The following RAB3C variants were observed in gnomAD, a reference collection of about 807,000 sequenced individuals.
The protein encoded by RAB3C is ras-related protein Rab-3C.
A neutral mutation model predicts 26.4 loss-of-function variants in RAB3C; 17 were observed. The observed-to-expected ratio is 0.64, with a 90% CI of 0.44 to 0.97. The LOEUF is 0.97. Among genes scored for constraint, RAB3C ranks in the 50% least tolerant of loss-of-function variants. RAB3C has a pLI of 0.00. For synonymous variants in RAB3C, 91 were observed against 95.9 expected (o/e 0.95, Z 0.30); for missense variants, 242 against 281.9 (o/e 0.86, Z 1.01).
chr5:58,775,829 C>A (rs1742119895), intron 3 of RAB3C, among the ~76,000 whole-genome samples: 1 of 152,100 alleles, frequency 6.6e-6, no homozygotes, highest in South Asian at 2.1e-4. Flanking sequence ...CGGTCTGGTG[C>A]TCTGTAAATG....
At position 58,701,474 on chromosome 5, in the gene RAB3C, T is replaced by C. The variant is rs972687255; in HGVS notation, c.253-24528T>C. Reference sequence around the variant, plus strand: ...CAATTGCCTCTCTTTATTTTTAAGCTTCTAGCTTCCTGGTAGCAAATCCAT... The same window carrying C: ...CAATTGCCTCTCTTTATTTTTAAGCCTCTAGCTTCCTGGTAGCAAATCCAT... On this transcript the variant is annotated intron_variant, in intron 2 of 4. Transcript: ENST00000282878. 2.0e-5 allele frequency among the ~76,000 whole-genome samples: 3 copies of C among 152,316 alleles called. 1 individual carries two copies. The South Asian group carries it at 6.2e-4, about 32-fold the overall frequency.
intron 2 of RAB3C, among the ~76,000 whole-genome samples, chr5:58,671,944 G>GA (rs997074697): frequency 4.6e-5 from 7 of 151,650 alleles, no homozygotes; most frequent in East Asian, 1.9e-4. Flanking sequence ...AAAAGTTCTA[G>GA]AAAAAAAACT....
At chr5:58,841,287 C>T (rs1184521469) in intron 4 of RAB3C, among the ~76,000 whole-genome samples, 2 of 152,190 alleles carry the variant, frequency 1.3e-5, no homozygotes, top group Non-Finnish European at 2.9e-5. Context: ...GATTGCTATA[C>T]TCTTCCCCCA....
chr5:58,725,992 T>C lies in RAB3C; in HGVS notation c.253-10T>C. The C allele has an allele frequency of 1.4e-6, 2 of 1,472,838 alleles. No individual in the cohort carries two copies. The highest frequency in any genetic ancestry group is 1.3e-5 in the South Asian group (1 of 79,326). The allele number at this position is 1,472,838 out of a possible 1,614,324, so 91.2% of individuals were successfully genotyped here. On this transcript the variant is annotated splice_polypyrimidine_tract_variant and intron_variant, in intron 2 of 4. Coordinates refer to ENST00000282878, the MANE Select transcript of RAB3C (RefSeq NM_138453.4). Reference sequence around the variant, plus strand: ...TTCTGAGAGATTATCATTTTTTTTTTATTCTTTAGGACACAGCAGGCCAGG... The same window carrying C: ...TTCTGAGAGATTATCATTTTTTTTTCATTCTTTAGGACACAGCAGGCCAGG...
rs373704092 is a variant in RAB3C, at chr5:58,637,095, G to T, written c.252+19225G>T. On this transcript the variant is annotated intron_variant, in intron 2 of 4. Transcript: ENST00000282878. ...ATTATCATTTTTTTTTTATTTCAAA[G>T]AACTTTTTTTTTTTTTTTACTATTC... Among the ~76,000 whole-genome samples, 15 of 98,078 alleles carry T rather than the reference G, an allele frequency of 1.5e-4. No homozygotes were observed. In the East Asian group the frequency reaches 4.5e-3, roughly 30 times the overall value. 64.3% of individuals were successfully genotyped at this position (98,078 alleles called of 152,430 possible).
intron 3 of RAB3C, chr5:58,823,695 G>T: frequency 9.8e-6 from 2 of 203,960 alleles, no homozygotes; most frequent in South Asian, 9.8e-5. Flanking sequence ...CAGACCTCAG[G>T]AGCAGGCTCT....
At chr5:58,714,414 A>G (rs1039935890) in intron 2 of RAB3C, among the ~76,000 whole-genome samples, 4 of 152,192 alleles carry the variant, frequency 2.6e-5, no homozygotes, top group Non-Finnish European at 5.9e-5. Flanking sequence ...ATATTTGGAC[A>G]TACAAAAGAA....
At chr5:58,712,598 C>A (rs934423112) in intron 2 of RAB3C, among the ~76,000 whole-genome samples, 1 of 152,146 alleles carries the variant, frequency 6.6e-6, no homozygotes, top group African/African-American at 2.4e-5. Context: ...GATCTTGGCT[C>A]ACTTCAACCT....
intron 4 of RAB3C, among the ~76,000 whole-genome samples, chr5:58,849,244 C>T (rs1039411608): frequency 6.6e-6 from 1 of 152,164 alleles, no homozygotes; most frequent in Non-Finnish European, 1.5e-5. Context: ...GTAAATGAGA[C>T]CTTTGTACCA....
chr5:58,738,378 A>G (rs1280434016), intron 3 of RAB3C, among the ~76,000 whole-genome samples: 1 of 152,180 alleles, frequency 6.6e-6, no homozygotes, highest in African/African-American at 2.4e-5. Context: ...CTGGGCTTAT[A>G]TTCTGGTTTC....
At chr5:58,734,672 A>C in intron 3 of RAB3C, among the ~76,000 whole-genome samples, 1 of 152,176 alleles carries the variant, frequency 6.6e-6, no homozygotes, top group East Asian at 1.9e-4. Context: ...TTTGCATCTC[A>C]ATAAATGACA....
chr5:58,843,028 C>G (rs1002044709), intron 4 of RAB3C, among the ~76,000 whole-genome samples: 1 of 152,262 alleles, frequency 6.6e-6, no homozygotes, highest in Admixed American at 6.5e-5. Context: ...GATTTTAGAT[C>G]TTGTCCTGGT....
intron 3 of RAB3C, among the ~76,000 whole-genome samples, chr5:58,738,448 G>C (rs1741201179): frequency 6.6e-6 from 1 of 152,148 alleles, no homozygotes. Flanking sequence ...TCAGGAAATA[G>C]CAAATAGTTC....
chr5:58,626,655 T>C (rs1014100412), intron 2 of RAB3C, among the ~76,000 whole-genome samples: 8 of 152,204 alleles, frequency 5.3e-5, no homozygotes, highest in Non-Finnish European at 8.8e-5. Context: ...ATTTTGCTTA[T>C]AGTCTTATCG....
intron 4 of RAB3C, among the ~76,000 whole-genome samples, chr5:58,836,374 C>T (rs1743748102): frequency 6.6e-6 from 1 of 151,970 alleles, no homozygotes; most frequent in Admixed American, 6.6e-5. Flanking sequence ...TTTATCATTT[C>T]TGTGTTGGGA....
chr5:58,644,591 G>C (rs531743531), intron 2 of RAB3C, among the ~76,000 whole-genome samples: 3 of 152,252 alleles, frequency 2.0e-5, no homozygotes, highest in African/African-American at 7.2e-5. Context: ...TCTCAAGCCT[G>C]GCATAGAGGT....
chr5:58,788,994 T>G (rs1271413960), intron 3 of RAB3C, among the ~76,000 whole-genome samples: 8 of 151,836 alleles, frequency 5.3e-5, no homozygotes, highest in Admixed American at 5.2e-4. Flanking sequence ...GCTTTAGGAG[T>G]CTATGCTAAG....
chr5:58,650,386 A>G (rs1747619109), intron 2 of RAB3C, among the ~76,000 whole-genome samples: 1 of 152,160 alleles, frequency 6.6e-6, no homozygotes, highest in African/African-American at 2.4e-5. Flanking sequence ...AGGGAGAGAG[A>G]AGGCTAGCAT....
rs1188954249 is a variant in RAB3C, at chr5:58,710,635, T to TAAA, written c.253-15366_253-15364dup. Among the ~76,000 whole-genome samples the TAAA allele has an allele frequency of 7.4e-3, 1,125 of 151,134 alleles. 11 individuals are homozygous for TAAA. Among genetic ancestry groups the TAAA allele is most frequent in the African/African-American group, 0.026 (1,091 of 41,316 alleles). On this transcript the variant is annotated intron_variant, in intron 2 of 4. Coordinates refer to ENST00000282878, the MANE Select transcript of RAB3C (RefSeq NM_138453.4). ...ATAAATAAATAAATAAATAAATAAA[T>TAAA]AAATAAATAGAAATTTTAAAAAAGA... is the stretch of plus-strand genomic sequence containing the variant.
Sources: allele counts gnomAD v4.1 joint callset (sites outside exome capture counted in the v4.1 genomes callset), GRCh38; gene constraint gnomAD v4.1.1; transcripts MANE v1.5; gene names NCBI Gene and HGNC (gene_info 2026-07-23, HGNC 2026-07-21).